Variants in ZCCHC24 observed in about 807,000 individuals in gnomAD.
ZCCHC24 encodes the protein zinc finger CCHC-type containing 24.
Under a neutral mutation model 26.2 loss-of-function variants are expected in ZCCHC24, and 10 were observed. The observed-to-expected ratio is 0.38, with a 90% CI of 0.24 to 0.65. The LOEUF (loss-of-function observed/expected upper bound fraction) is 0.65, where lower values mean the gene tolerates loss of function less well. Among genes scored for constraint, ZCCHC24 ranks in the 30% least tolerant of loss-of-function variants. The pLI is 0.54. For missense variants in ZCCHC24, 243 were observed against 329.1 expected (o/e 0.74, Z 2.03); for synonymous variants, 144 against 147.1 (o/e 0.98, Z 0.15).
chr10:79,427,750 A>C (rs183976125), intron 2 of ZCCHC24, among the ~76,000 whole-genome samples: 20 of 152,302 alleles, frequency 1.3e-4, no homozygotes, highest in East Asian at 9.6e-4. Context: ...ACAATGGATC[A>C]TGCCTGTAAT....
At chr10:79,389,529 A>AGT (rs5786399) in intron 3 of ZCCHC24, among the ~76,000 whole-genome samples, 11,378 of 146,098 alleles carry the variant, frequency 0.078, 418 homozygotes, top group Non-Finnish European at 0.084. Context: ...ACTTTTTCCT[A>AGT]GTGTGTGTGT....
At chr10:79,436,502 G>C (rs1295259419) in intron 1 of ZCCHC24, among the ~76,000 whole-genome samples, 1 of 152,258 alleles carries the variant, frequency 6.6e-6, no homozygotes, top group Non-Finnish European at 1.5e-5. Flanking sequence ...CGGTTGGCAG[G>C]AGGGGGCGCA....
At position 79,386,236 on chromosome 10, in the gene ZCCHC24, G is replaced by A. The variant is rs559786075; in HGVS notation, c.*109C>T. On this transcript the variant is annotated 3_prime_UTR_variant, in exon 4 of 4. Transcript: ENST00000372336. ...GCCCCCGGCCCAGCCCCGCAGGCCT[G>A]CGAGGGCACCCCATGCACAGGGCGA... 6.7e-4 allele frequency: 698 copies of A among 1,035,494 alleles called. 10 individuals are homozygous for A. In the South Asian group the frequency reaches 9.2e-3, roughly 14 times the overall value. The allele number at this position is 1,035,494 out of a possible 1,614,324, so 64.1% of individuals were successfully genotyped here.
At chr10:79,399,204 A>G (rs1856595291) in intron 2 of ZCCHC24, among the ~76,000 whole-genome samples, 1 of 152,210 alleles carries the variant, frequency 6.6e-6, no homozygotes, top group Non-Finnish European at 1.5e-5. Flanking sequence ...GCAAGGAGCC[A>G]TTTCCTGGAA....
At chr10:79,444,092 T>C (rs1318628497) in intron 1 of ZCCHC24, 2 of 1,544,452 alleles carry the variant, frequency 1.3e-6, no homozygotes, top group Non-Finnish European at 1.7e-6. Flanking sequence ...CTGACTCTCC[T>C]AAAACTCACC....
At chr10:79,424,564 C>G (rs538153667) in intron 2 of ZCCHC24, among the ~76,000 whole-genome samples, 1 of 152,188 alleles carries the variant, frequency 6.6e-6, no homozygotes, top group Non-Finnish European at 1.5e-5. Context: ...CAGTCCCTAT[C>G]CATGTTCAGG....
At chr10:79,426,257 A>G (rs144924429) in intron 2 of ZCCHC24, among the ~76,000 whole-genome samples, 3 of 152,330 alleles carry the variant, frequency 2.0e-5, no homozygotes, top group African/African-American at 7.2e-5. Context: ...CGGGGGCTCC[A>G]TGGGCAGCTT....
At position 79,445,575 on chromosome 10, in the gene ZCCHC24, C is replaced by G; in HGVS notation, c.-135G>C. On this transcript the variant is annotated 5_prime_UTR_variant, in exon 1 of 4. Coordinates refer to ENST00000372336, the MANE Select transcript of ZCCHC24 (RefSeq NM_153367.4). ...GACGGTGATCGCCCCGCGCCCTGCG[C>G]CCCGCGCGCTGCCCGCAGCCGCTGC... 1.3e-6 allele frequency: 1 copy of G among 783,180 alleles called. No individual in the cohort carries two copies. Among genetic ancestry groups the G allele is most frequent in the South Asian group, 5.7e-5 (1 of 17,512 alleles). The allele number at this position is 783,180 out of a possible 1,614,324, so 48.5% of individuals were successfully genotyped here. A position where few individuals can be genotyped will look rare whatever the true frequency, so the allele number is the denominator to read the frequency against.
intron 2 of ZCCHC24, among the ~76,000 whole-genome samples, chr10:79,428,517 T>C: frequency 7.0e-6 from 1 of 142,914 alleles, no homozygotes; most frequent in Non-Finnish European, 1.5e-5. Flanking sequence ...TGGAAGGTGG[T>C]GATGGTCATA....
At chr10:79,397,300 G>A (rs778874172) in intron 2 of ZCCHC24, among the ~76,000 whole-genome samples, 1 of 152,222 alleles carries the variant, frequency 6.6e-6, no homozygotes, top group African/African-American at 2.4e-5. Flanking sequence ...CTCAGCACTG[G>A]TCAGATCTGA....
chr10:79,428,506 C>A, intron 2 of ZCCHC24, among the ~76,000 whole-genome samples: 1 of 118,650 alleles, frequency 8.4e-6, no homozygotes, highest in African/African-American at 3.3e-5. Flanking sequence ...AGCTCTGTGG[C>A]TGGAAGGTGG....
At chr10:79,420,560 C>T (rs1260738053) in intron 2 of ZCCHC24, among the ~76,000 whole-genome samples, 1 of 152,202 alleles carries the variant, frequency 6.6e-6, no homozygotes, top group Non-Finnish European at 1.5e-5. Flanking sequence ...GGGCAGATCA[C>T]TTGAGGCCAG....
At chr10:79,422,597 G>C (rs540156798) in intron 2 of ZCCHC24, among the ~76,000 whole-genome samples, 1 of 152,102 alleles carries the variant, frequency 6.6e-6, no homozygotes. Flanking sequence ...ATTCTCTCTC[G>C]GCTCTATTTT....
At chr10:79,441,388 T>C (rs1217950947) in intron 1 of ZCCHC24, among the ~76,000 whole-genome samples, 1 of 152,084 alleles carries the variant, frequency 6.6e-6, no homozygotes, top group Non-Finnish European at 1.5e-5. Context: ...AGGCCATTTG[T>C]TAAGCCTTGT....
chr10:79,444,471 T>TC (rs57495457), intron 1 of ZCCHC24, among the ~76,000 whole-genome samples: 1,604 of 149,282 alleles, frequency 0.011, 7 homozygotes, highest in Non-Finnish European at 0.012. Flanking sequence ...CTGGAACCTC[T>TC]CCCCCCCCCT....
intron 1 of ZCCHC24, among the ~76,000 whole-genome samples, chr10:79,442,688 C>T (rs961370018): frequency 1.3e-5 from 2 of 152,210 alleles, no homozygotes; most frequent in Admixed American, 6.5e-5. Flanking sequence ...GAGTCCCCTC[C>T]GGCCCACACA....
At chr10:79,438,282 G>A (rs6480941) in intron 1 of ZCCHC24, among the ~76,000 whole-genome samples, 29,884 of 152,028 alleles carry the variant, frequency 0.2, 3,523 homozygotes, top group African/African-American at 0.33. Flanking sequence ...CATTCATCTC[G>A]CAAATGAATC....
intron 2 of ZCCHC24, among the ~76,000 whole-genome samples, chr10:79,420,774 A>AAATAAT (rs146644258): frequency 1.8e-4 from 28 of 151,458 alleles, no homozygotes; most frequent in East Asian, 1.6e-3. Flanking sequence ...TTCTATCTCA[A>AAATAAT]AATAATAATA....
intron 2 of ZCCHC24, chr10:79,394,702 G>T (rs1856522380): frequency 2.2e-6 from 2 of 911,716 alleles, no homozygotes; most frequent in African/African-American, 1.8e-5. Context: ...GATTTAAGGG[G>T]TAAAGTACTC....
Sources: gnomAD v4.1 joint callset for allele counts (sites outside exome capture counted in the v4.1 genomes callset) on GRCh38, gnomAD v4.1.1 for gene constraint, MANE v1.5 for transcripts, NCBI Gene and HGNC (gene_info 2026-07-23, HGNC 2026-07-21) for gene names.